TOP2B: variants seen among roughly 807,000 people sequenced by gnomAD.
TOP2B encodes the protein DNA topoisomerase 2-beta.
In TOP2B, 51 loss-of-function variants were observed where a neutral mutation model predicts 193.5. The observed-to-expected ratio is 0.26, with a 90% confidence interval of 0.21 to 0.33. The LOEUF is 0.33. Ranked by LOEUF, TOP2B falls within the 10% of genes least tolerant of loss-of-function variation. The pLI, the probability that TOP2B is intolerant of heterozygous loss-of-function variation, is 1.00. For missense variants in TOP2B, 1,378 were observed against 1,909.3 expected, an observed-to-expected ratio of 0.72 and a Z score of 5.19; for synonymous variants, 634 against 635.7, an observed-to-expected ratio of 1.00 and a Z score of 0.04.
intron 1 of TOP2B, among the ~76,000 whole-genome samples, chr3:25,655,379 T>C (rs185481947): frequency 0.018 from 2,725 of 152,190 alleles, 36 homozygotes; most frequent in Middle Eastern, 0.044. Flanking sequence ...AAATAACTGT[T>C]GGTAAGGATG....
chr3:25,629,899 TTC>T, intron 13 of TOP2B, 128 bp downstream of exon 13: 1 of 1,018,430 alleles, frequency 9.8e-7, no homozygotes, highest in South Asian at 2.2e-5. Context: ...ACGTGGTTTT[TTC>T]ATTTTTTCCT....
chr3:25,631,177 A>G (rs1344876965), intron 10 of TOP2B, among the ~76,000 whole-genome samples: 3 of 152,146 alleles, frequency 2.0e-5, no homozygotes, highest in Non-Finnish European at 4.4e-5. Flanking sequence ...GAAACATTCT[A>G]TTATAATAAA....
chr3:25,626,736 CCT>C, intron 17 of TOP2B, 34 bp downstream of exon 17: 3 of 1,555,204 alleles, frequency 1.9e-6, no homozygotes, highest in Non-Finnish European at 2.6e-6. Context: ...GTCTCTCTCT[CCT>C]TCTTTCCCCA....
Position 25,664,846 on chromosome 3 carries a change from C to G in TOP2B, c.-549G>C. ...CACACACACCGAGAGGGACAATAAA[C>G]AGAGCCGCCGCCGCCGCCGCCACGG... is the stretch of plus-strand genomic sequence containing the variant. On this transcript the variant is annotated 5_prime_UTR_variant, in exon 1 of 36. Coordinates refer to ENST00000264331, the MANE Select transcript of TOP2B (RefSeq NM_001330700.2). 1.0e-6 allele frequency: 1 copy of G among 991,828 alleles called. No individual in the cohort carries two copies. The highest frequency in any genetic ancestry group is 1.2e-6 in the Non-Finnish European group (1 of 833,382). The allele number at this position is 991,828 out of a possible 1,614,324, so 61.4% of individuals were successfully genotyped here. A position where few individuals can be genotyped will look rare whatever the true frequency, so the allele number is the denominator to read the frequency against.
intron 1 of TOP2B, among the ~76,000 whole-genome samples, chr3:25,655,545 G>T (rs1244139252): frequency 6.6e-6 from 1 of 152,152 alleles, no homozygotes; most frequent in African/African-American, 2.4e-5. Context: ...ATATCCAAAA[G>T]AATTCAAAGC....
At chr3:25,660,252 A>C (rs531273279) in intron 1 of TOP2B, among the ~76,000 whole-genome samples, 1 of 152,336 alleles carries the variant, frequency 6.6e-6, no homozygotes, top group African/African-American at 2.4e-5. Flanking sequence ...TCAATTATCC[A>C]ATTTTTAAAT....
intron 4 of TOP2B, among the ~76,000 whole-genome samples, chr3:25,639,306 C>T (rs1301397216): frequency 1.3e-5 from 2 of 152,046 alleles, no homozygotes; most frequent in African/African-American, 4.8e-5. Flanking sequence ...ATGCTTTCCA[C>T]GTTTGTTTTT....
chr3:25,598,257 A>AAAGGACAACACAAGATATTTG lies in TOP2B; in HGVS notation c.*29_*49dup. On this transcript the variant is annotated 3_prime_UTR_variant, in exon 36 of 36. Transcript: ENST00000264331. ...ACAAAAGTCTGAGACAGAGAAGACA[A>AAAGGACAACACAAGATATTTG]AAGGACAACACAAGATATTTGTTGA... The AAAGGACAACACAAGATATTTG allele has an allele frequency of 6.5e-7, 1 of 1,534,890 alleles. No homozygotes were observed. The highest frequency in any genetic ancestry group is 1.4e-5 in the African/African-American group (1 of 72,708).
At chr3:25,648,086 T>C (rs1559507829) in intron 1 of TOP2B, among the ~76,000 whole-genome samples, 1 of 152,190 alleles carries the variant, frequency 6.6e-6, no homozygotes, top group Non-Finnish European at 1.5e-5. Flanking sequence ...AAAAGGAATA[T>C]ACCTCCAATG....
intron 21 of TOP2B, among the ~76,000 whole-genome samples, chr3:25,622,665 G>A (rs1162435069): frequency 6.7e-6 from 1 of 150,104 alleles, no homozygotes; most frequent in African/African-American, 2.5e-5. Context: ...TTGGGAGACG[G>A]AGTCTCATTC....
At chr3:25,640,752 CT>C (rs372465937) in intron 4 of TOP2B, among the ~76,000 whole-genome samples, 12,293 of 107,028 alleles carry the variant, frequency 0.11, 349 homozygotes, top group Non-Finnish European at 0.16. Context: ...TCTTCGTTGT[CT>C]TTTTTTTTTT....
rs1347009573 is a variant in TOP2B at position 25,620,778 on chromosome 3, T to C, written c.2766A>G (p.Glu922=). 1.2e-6 allele frequency: 2 copies of C among 1,613,518 alleles called. No individual in the cohort carries two copies. Among genetic ancestry groups the C allele is most frequent in the Non-Finnish European group, 1.7e-6 (2 of 1,179,698 alleles). Residue 922 remains glutamate (E), a synonymous_variant, in exon 22 of 36, where the codon GAA becomes GAG. Coordinates refer to ENST00000264331, the MANE Select transcript of TOP2B (RefSeq NM_001330700.2). ...TGACTGCATACTGGTTTTGACCAAG[T>C]TCTTGAATCGTGCCTTTAAAGTTTT... ...NYKNFKGTIQ[E]LGQNQYAVSG...
At chr3:25,620,417 C>G (rs183428303) in intron 22 of TOP2B, among the ~76,000 whole-genome samples, 2 of 152,118 alleles carry the variant, frequency 1.3e-5, no homozygotes, top group Non-Finnish European at 2.9e-5. Flanking sequence ...ATTAAAAACA[C>G]TGTCATATTC....
chr3:25,622,668 T>C (rs1575571044), intron 21 of TOP2B, among the ~76,000 whole-genome samples: 1 of 135,824 alleles, frequency 7.4e-6, no homozygotes, highest in Non-Finnish European at 1.6e-5. Context: ...GGAGACGGAG[T>C]CTCATTCTGT....
chr3:25,604,747 T>C lies in TOP2B; in HGVS notation c.4489+13A>G. The C allele has an allele frequency of 6.3e-7, 1 of 1,577,730 alleles. No individual in the cohort carries two copies. The highest frequency in any genetic ancestry group is 8.7e-7 in the Non-Finnish European group (1 of 1,148,808). On this transcript the variant is annotated intron_variant, in intron 33 of 35. Transcript: ENST00000264331. The stretch of plus-strand genomic sequence containing the variant: ...CTATCCAATGCTTAACTCAATCAAA[T>C]ATAAGTACATACCCTTTTTAGCAGC...
intron 21 of TOP2B, among the ~76,000 whole-genome samples, chr3:25,621,524 G>C (rs1032485793): frequency 4.6e-5 from 7 of 152,166 alleles, no homozygotes; most frequent in African/African-American, 1.7e-4. Context: ...ACCATGTCCA[G>C]CTAATTTTTG....
chr3:25,604,896 G>A (rs1273616755), intron 32 of TOP2B, 26 bp from the exon 33 acceptor site: 12 of 1,524,870 alleles, frequency 7.9e-6, no homozygotes, highest in Non-Finnish European at 1.1e-5. Context: ...CCTTCTTTTA[G>A]TAAAGAGATG....
chr3:25,612,379 A>G, intron 28 of TOP2B, 136 bp downstream of exon 28: 1 of 614,940 alleles, frequency 1.6e-6, no homozygotes, highest in East Asian at 2.9e-5. Context: ...CTGCTGTCAT[A>G]GAAGGATTTC....
chr3:25,631,945 AT>A (rs1323444762), intron 10 of TOP2B, among the ~76,000 whole-genome samples: 3 of 152,074 alleles, frequency 2.0e-5, no homozygotes, highest in Admixed American at 6.6e-5. Flanking sequence ...GCTGTGATTG[AT>A]TCATCTCCAT....
Sources: gnomAD v4.1 joint callset for allele counts (sites outside exome capture counted in the v4.1 genomes callset) on GRCh38, gnomAD v4.1.1 for gene constraint, MANE v1.5 for transcripts, NCBI Gene and HGNC (gene_info 2026-07-23, HGNC 2026-07-21) for gene names.